The following BFSP1 variants were observed in gnomAD, a reference collection of about 807,000 sequenced individuals.
BFSP1 encodes the protein beaded filament structural protein 1, also known as filensin.
A neutral mutation model predicts 43.9 loss-of-function variants in BFSP1; 38 were observed. The ratio of observed to expected loss-of-function variants is 0.87; its 90% CI spans 0.67 to 1.14. The LOEUF (loss-of-function observed/expected upper bound fraction) is 1.14, where lower values mean the gene tolerates loss of function less well. BFSP1 is among the 50% of genes most tolerant of loss of function. The pLI, the probability that BFSP1 is intolerant of heterozygous loss-of-function variation, is 0.00. For missense variants in BFSP1, 850 were observed against 875.1 expected, an observed-to-expected ratio of 0.97 and a Z score of 0.36; for synonymous variants, 352 against 354.8, an observed-to-expected ratio of 0.99 and a Z score of 0.09.
Position 17,507,629 on chromosome 20 carries a change from A to G in BFSP1, c.735+1260T>C, listed in dbSNP as rs1193416294. Reference sequence around the variant, plus strand: ...CATACACATCCCACATATATCACACATACCATGTATATCACACACACACAC... The same window carrying G: ...CATACACATCCCACATATATCACACGTACCATGTATATCACACACACACAC... On this transcript the variant is annotated intron_variant, in intron 5 of 7. Coordinates refer to ENST00000377873, the MANE Select transcript of BFSP1 (RefSeq NM_001195.5). The surrounding 1 kb of genome is among the most constrained non-coding windows in gnomAD (Gnocchi z 4.4). 2.6e-5 allele frequency among the ~76,000 whole-genome samples: 4 copies of G among 152,040 alleles called. No homozygotes were observed. The East Asian group carries it at 7.7e-4, about 29-fold the overall frequency.
chr20:17,505,416 C>T (rs1022362646), intron 5 of BFSP1, among the ~76,000 whole-genome samples: 2 of 152,208 alleles, frequency 1.3e-5, no homozygotes, highest in African/African-American at 2.4e-5. Context: ...GGGGACCTCA[C>T]CCTGACGACC....
At chr20:17,563,571 C>G (rs2035087678), upstream of BFSP1, among the ~76,000 whole-genome samples, 1 of 151,890 alleles carries the variant, frequency 6.6e-6, no homozygotes, top group Non-Finnish European at 1.5e-5. Flanking sequence ...GAACTTCTGA[C>G]CTCAGGTGAT....
intron 1 of BFSP1, among the ~76,000 whole-genome samples, chr20:17,566,990 G>C (rs1413529752): frequency 2.0e-5 from 3 of 152,022 alleles, no homozygotes; most frequent in Non-Finnish European, 4.4e-5. Flanking sequence ...CTATTAAAGG[G>C]GGCTCTGCTC....
At chr20:17,508,365 C>A (rs1028049000) in intron 5 of BFSP1, among the ~76,000 whole-genome samples, 1 of 152,178 alleles carries the variant, frequency 6.6e-6, no homozygotes, top group South Asian at 2.1e-4. Context: ...GAAATGTGAG[C>A]TTTCCACCAA....
chr20:17,510,217 ACT>A (rs1389526286), intron 4 of BFSP1, among the ~76,000 whole-genome samples: 9 of 152,170 alleles, frequency 5.9e-5, no homozygotes, highest in African/African-American at 1.2e-4. Flanking sequence ...TGGACTGGAC[ACT>A]CTGCACGTCT....
intron 1 of BFSP1, among the ~76,000 whole-genome samples, chr20:17,550,904 T>A (rs1393676659): frequency 6.6e-6 from 1 of 152,188 alleles, no homozygotes; most frequent in African/African-American, 2.4e-5. Flanking sequence ...TAACCACAGG[T>A]CATGATAGAC....
At chr20:17,512,587 T>G (rs1024697307) in intron 3 of BFSP1, among the ~76,000 whole-genome samples, 1 of 152,136 alleles carries the variant, frequency 6.6e-6, no homozygotes, top group Non-Finnish European at 1.5e-5. Flanking sequence ...TGTTGTGGTG[T>G]GCACCTGTGG....
At chr20:17,523,468 T>C (rs1469937376) in intron 2 of BFSP1, among the ~76,000 whole-genome samples, 2 of 151,802 alleles carry the variant, frequency 1.3e-5, no homozygotes, top group African/African-American at 2.4e-5. Flanking sequence ...AACAGAAGAA[T>C]GGGGATGAGC....
At chr20:17,517,683 A>T (rs2034231213) in intron 2 of BFSP1, among the ~76,000 whole-genome samples, 1 of 152,240 alleles carries the variant, frequency 6.6e-6, no homozygotes, top group African/African-American at 2.4e-5. Context: ...TATACCCAAA[A>T]TATTATCATG....
rs866783794 is a variant in BFSP1 at position 17,494,716 on chromosome 20, C to A, written c.1356G>T (p.Val452=). ...GGGTCTCAGGCTCTTTGGGGCTTCT[C>A]ACTTTCTCCTTGACCTTCCTGTATA... ...GKLYRKVKEK[V]RSPKEPETPT... The change falls in exon 8 of 8, where the codon GTG becomes GTT. Residue 452 remains valine (V), a synonymous_variant. Transcript: ENST00000377873. 2 of 1,614,112 alleles carry A rather than the reference C, an allele frequency of 1.2e-6. No homozygotes were observed. The highest frequency in any genetic ancestry group is 1.3e-5 in the African/African-American group (1 of 75,026).
chr20:17,503,895 A>T (rs2033865204), intron 5 of BFSP1, among the ~76,000 whole-genome samples: 1 of 152,142 alleles, frequency 6.6e-6, no homozygotes, highest in Admixed American at 6.5e-5. Flanking sequence ...AAAGTTTTAA[A>T]CTGTAAATAG....
chr20:17,511,650 G>A (rs2034081786), intron 4 of BFSP1, among the ~76,000 whole-genome samples: 1 of 152,174 alleles, frequency 6.6e-6, no homozygotes, highest in Non-Finnish European at 1.5e-5. Context: ...CATTGTGGGT[G>A]GAGATGCAAC....
intron 1 of BFSP1, among the ~76,000 whole-genome samples, chr20:17,546,403 T>G (rs2034801880): frequency 6.6e-6 from 1 of 152,096 alleles, no homozygotes; most frequent in African/African-American, 2.4e-5. Context: ...AAATTACAAT[T>G]AAAGATAAGA....
intron 6 of BFSP1, among the ~76,000 whole-genome samples, chr20:17,497,272 T>C (rs935997696): frequency 7.9e-5 from 12 of 152,128 alleles, no homozygotes; most frequent in African/African-American, 2.9e-4. Flanking sequence ...AAAGTGGGGA[T>C]TGCTTATAAC....
rs531477727 is a variant in BFSP1, at chr20:17,565,361, A to G, written n.51-2266T>C. On this transcript the variant is annotated intron_variant and non_coding_transcript_variant, in intron 1 of 6. Coordinates refer to the BFSP1 transcript ENST00000473415. ...ATTTTATGGGAGGAATTTTCTGAGAAGTCTACCAGCTCATGTATGCAAAGA... is the reference window on the plus strand; with the variant it reads ...ATTTTATGGGAGGAATTTTCTGAGAGGTCTACCAGCTCATGTATGCAAAGA... The G allele has an allele frequency of 5.9e-5, 9 of 152,344 alleles. No individual in the cohort carries two copies. The South Asian group carries it at 1.9e-3, about 32-fold the overall frequency. 9.4% of individuals were successfully genotyped at this position (152,344 alleles called of 1,614,324 possible). A position where few individuals can be genotyped will look rare whatever the true frequency, so the allele number is the denominator to read the frequency against.
upstream of BFSP1, among the ~76,000 whole-genome samples, chr20:17,563,841 G>A (rs191466264): frequency 1.1e-3 from 158 of 147,158 alleles, no homozygotes; most frequent in Non-Finnish European, 1.8e-3. Flanking sequence ...AGCGGTGATC[G>A]TGCCACTGTA....
chr20:17,506,786 A>G (rs111334922), intron 5 of BFSP1: 25,982 of 152,084 alleles, frequency 0.17, 2,706 homozygotes, highest in East Asian at 0.36. Flanking sequence ...TGCCCTCCCA[A>G]AGTGCTGGCA....
chr20:17,538,269 AAAAT>A (rs2034662823), intron 1 of BFSP1, among the ~76,000 whole-genome samples: 1 of 152,226 alleles, frequency 6.6e-6, no homozygotes, highest in African/African-American at 2.4e-5. Context: ...AATGGTTCAA[AAAAT>A]AAATAATAGA....
At chr20:17,553,117 T>G (rs1201882985) in intron 1 of BFSP1, among the ~76,000 whole-genome samples, 4 of 152,122 alleles carry the variant, frequency 2.6e-5, no homozygotes, top group African/African-American at 9.6e-5. Flanking sequence ...AAGGACCAGA[T>G]AGGTAGGTGG....
Sources: allele counts gnomAD v4.1 joint callset (sites outside exome capture counted in the v4.1 genomes callset), GRCh38; gene constraint gnomAD v4.1.1; non-coding constraint Gnocchi (gnomAD v3.1); transcripts MANE v1.5; gene names NCBI Gene and HGNC (gene_info 2026-07-23, HGNC 2026-07-21).